The following ATP6V1B1 variants were observed in gnomAD, a reference collection of about 807,000 sequenced individuals.
ATP6V1B1 encodes V-type proton ATPase subunit B, kidney isoform.
A neutral mutation model predicts 62.1 loss-of-function variants in ATP6V1B1; 41 were observed. The ratio of observed to expected loss-of-function variants is 0.66; its 90% CI spans 0.51 to 0.86. The LOEUF (loss-of-function observed/expected upper bound fraction) is 0.86. Ranked by LOEUF, ATP6V1B1 falls within the 40% of genes least tolerant of loss-of-function variation. The probability of loss-of-function intolerance (pLI) is 0.00; values close to 1 mark genes in which losing one functional copy is unlikely to be tolerated. For synonymous variants in ATP6V1B1, 253 were observed against 273.4 expected, an observed-to-expected ratio of 0.93 and a Z score of 0.74; for missense variants, 651 against 697.5, an observed-to-expected ratio of 0.93 and a Z score of 0.75.
chr2:70,943,022 T>C lies in ATP6V1B1; in HGVS notation c.119-636T>C, dbSNP rs569520318. ...AGCTCATTTGCCATGTGTGGGTCTC[T>C]GCAGCTGCCACATCTGCAGGCATTT... On this transcript the variant is annotated intron_variant, in intron 1 of 13. Transcript: ENST00000234396. Among the ~76,000 whole-genome samples, 102 of 152,350 alleles carry C rather than the reference T, an allele frequency of 6.7e-4. 1 individual carries two copies. The highest frequency in any genetic ancestry group is 2.2e-3 in the African/African-American group (90 of 41,576).
intron 8 of ATP6V1B1, 75 bp from the exon 9 acceptor site, chr2:70,962,702 T>G: frequency 6.3e-7 from 1 of 1,599,958 alleles, no homozygotes; most frequent in East Asian, 2.2e-5. Context: ...CAGTTCACCT[T>G]GCGCTCAGCC....
In ATP6V1B1 at chr2:70,958,054, G is replaced by A. The variant is rs544249052; in HGVS notation, c.183G>A (p.Gln61=). 2 of 1,614,006 alleles carry A rather than the reference G, an allele frequency of 1.2e-6. No individual in the cohort carries two copies. Among genetic ancestry groups the A allele is most frequent in the East Asian group, 2.2e-5 (1 of 44,882 alleles). ...LVVLDRVKFA[Q]YAEIVHFTLP... is the part of the protein sequence containing the mutation. ...CTCTCCCCTCCTGCCAGTTTGCCCAGTATGCGGAGATCGTCCACTTCACCC... is the reference window on the plus strand; with the variant it reads ...CTCTCCCCTCCTGCCAGTTTGCCCAATATGCGGAGATCGTCCACTTCACCC... Residue 61 remains glutamine, a synonymous_variant, in exon 3 of 14, where the codon CAG becomes CAA. Transcript: ENST00000234396.
At chr2:70,957,957 G>C in intron 2 of ATP6V1B1, 89 bp from the exon 3 acceptor site, 1 of 1,215,210 alleles carries the variant, frequency 8.2e-7, no homozygotes, top group East Asian at 2.5e-5. Context: ...GGAGAGAACA[G>C]TTTGGGACTG....
chr2:70,940,917 T>C (rs113470642), intron 1 of ATP6V1B1: 1 of 603,938 alleles, frequency 1.7e-6, no homozygotes, highest in Non-Finnish European at 1.9e-6. Flanking sequence ...CTTTTTCTTT[T>C]TTTTTTTTTT....
rs112520952 is a variant in ATP6V1B1, at chr2:70,958,860, T to C, written c.368-158T>C. 2.6e-5 allele frequency among the ~76,000 whole-genome samples: 4 copies of C among 152,158 alleles called. 1 individual carries two copies. The highest frequency in any genetic ancestry group is 9.6e-5 in the African/African-American group (4 of 41,528). On this transcript the variant is annotated intron_variant, in intron 4 of 13. Coordinates refer to ENST00000234396, the MANE Select transcript of ATP6V1B1 (RefSeq NM_001692.4). ...GAAGACTCTCACAGGACAGTCCTTG[T>C]AGCTGGCTCTCTGGGTTACCTGTGG...
In ATP6V1B1 at chr2:70,964,477, C is replaced by G. The variant is rs1553420686; in HGVS notation, c.1183C>G (p.Leu395Val). 1 of 1,614,162 alleles carries G rather than the reference C, an allele frequency of 6.2e-7. No homozygotes were observed. Among genetic ancestry groups the G allele is most frequent in the Non-Finnish European group, 8.5e-7 (1 of 1,180,040 alleles). The change falls in exon 12 of 14, where the codon CTG becomes GTG. Residue 395 changes from leucine (L) to valine (V), a missense_variant. Coordinates refer to ENST00000234396, the MANE Select transcript of ATP6V1B1 (RefSeq NM_001692.4). ...CAACGTGCTCCCTTCCCTGTCGCGG[C>G]TGATGAAGTCAGCCATTGGGGAAGG... ...PINVLPSLSR[L>V]MKSAIGEGMT...
At chr2:70,953,991 C>T (rs1221091737) in intron 2 of ATP6V1B1, among the ~76,000 whole-genome samples, 3 of 151,884 alleles carry the variant, frequency 2.0e-5, no homozygotes, top group Non-Finnish European at 4.4e-5. Context: ...GTGAATTTAT[C>T]CCAACAATTA....
intron 1 of ATP6V1B1, chr2:70,941,544 C>T (rs1157339801): frequency 2.3e-6 from 2 of 873,682 alleles, no homozygotes; most frequent in Non-Finnish European, 1.4e-6. Flanking sequence ...CTCTCGTTCA[C>T]CCATCCTGAT....
At chr2:70,943,772 T>A (rs1680072840) in intron 2 of ATP6V1B1, 59 bp downstream of exon 2, 1 of 1,595,988 alleles carries the variant, frequency 6.3e-7, no homozygotes, top group African/African-American at 1.3e-5. Context: ...GCCTCTCCCC[T>A]GCCCTGCAGG....
chr2:70,944,824 A>G (rs1553417052), intron 2 of ATP6V1B1, among the ~76,000 whole-genome samples: 1 of 151,966 alleles, frequency 6.6e-6, no homozygotes, highest in Non-Finnish European at 1.5e-5. Context: ...ACCCGCTACC[A>G]CGCCCAGCTG....
chr2:70,960,320 G>C (rs1182191691), intron 6 of ATP6V1B1, among the ~76,000 whole-genome samples: 3 of 152,204 alleles, frequency 2.0e-5, no homozygotes, highest in Non-Finnish European at 4.4e-5. Flanking sequence ...TCCCAGAGTA[G>C]AAAGTCCTGC....
chr2:70,964,561 G>T lies in ATP6V1B1; in HGVS notation c.1248+19G>T, dbSNP rs782404567. ...CCAGCTGGTAAGGAGAAGAGGGTCC[G>T]GGGGCTGGTAGGTCCTCTAGTTTCC... On this transcript the variant is annotated intron_variant, in intron 12 of 13. Transcript: ENST00000234396. The T allele has an allele frequency of 6.2e-7, 1 of 1,612,264 alleles. No individual in the cohort carries two copies. Among genetic ancestry groups the T allele is most frequent in the Non-Finnish European group, 8.5e-7 (1 of 1,178,374 alleles).
At chr2:70,940,523 A>G (rs138963692) in intron 1 of ATP6V1B1, 2 of 985,078 alleles carry the variant, frequency 2.0e-6, no homozygotes, top group Admixed American at 1.2e-4. Flanking sequence ...CAATCCAGAC[A>G]ATCTGATCCA....
At position 70,964,791 on chromosome 2, in the gene ATP6V1B1, A is replaced by T; in HGVS notation, c.1304A>T (p.Glu435Val). ...CAGGCCATGAAGGCAGTAGTTGGGG[A>T]GGAGGCGCTCACCTCTGAGGACCTG... ...DVQAMKAVVG[E>V]EALTSEDLLY... Residue 435 changes from glutamate (E) to valine (V), a missense_variant, in exon 13 of 14, where the codon GAG becomes GTG. Coordinates refer to ENST00000234396, the MANE Select transcript of ATP6V1B1 (RefSeq NM_001692.4). 1.2e-6 allele frequency: 2 copies of T among 1,614,002 alleles called. No homozygotes were observed. Among genetic ancestry groups the T allele is most frequent in the Non-Finnish European group, 1.7e-6 (2 of 1,180,026 alleles).
intron 11 of ATP6V1B1, chr2:70,964,132 T>TTTTTTTTTTTTTG: frequency 3.2e-6 from 1 of 309,496 alleles, no homozygotes; most frequent in South Asian, 4.3e-5. Flanking sequence ...TTTTTTTTTT[T>TTTTTTTTTTTTTG]TTTTGCAGCT....
chr2:70,942,234 C>T (rs1467438910), intron 1 of ATP6V1B1: 1 of 406,598 alleles, frequency 2.5e-6, no homozygotes, highest in Non-Finnish European at 4.3e-6. Flanking sequence ...GGCTCAGGTG[C>T]AGGCCAGGCA....
intron 2 of ATP6V1B1, chr2:70,948,324 C>A (rs892459014): frequency 5.8e-5 from 9 of 154,738 alleles, no homozygotes; most frequent in Middle Eastern, 5.2e-4. Context: ...CTGCATCCTT[C>A]TTCTCCCGGG....
chr2:70,961,004 C>T lies in ATP6V1B1; in HGVS notation c.669C>T (p.Ile223=), dbSNP rs372233648. 4.0e-5 allele frequency: 64 copies of T among 1,593,688 alleles called. No homozygotes were observed. The Middle Eastern group carries it at 2.0e-3, about 49-fold the overall frequency. The change falls in exon 7 of 14, where the codon ATC becomes ATT. Residue 223 remains isoleucine (I), a synonymous_variant. Coordinates refer to ENST00000234396, the MANE Select transcript of ATP6V1B1 (RefSeq NM_001692.4). ...ATTACCATGACGACAACTTCGCCAT[C>T]GTCTTTGCAGCCATGGGGGTGAGGA... The part of the protein sequence containing the change: ...VLDYHDDNFA[I]VFAAMGVNME...
At chr2:70,949,093 C>T (rs1173435882) in intron 2 of ATP6V1B1, among the ~76,000 whole-genome samples, 12 of 152,134 alleles carry the variant, frequency 7.9e-5, no homozygotes, top group African/African-American at 2.4e-4. Context: ...AGAGGAAAGA[C>T]ACGTAAAGTT....
Sources: allele counts gnomAD v4.1 joint callset (sites outside exome capture counted in the v4.1 genomes callset), GRCh38; gene constraint gnomAD v4.1.1; transcripts MANE v1.5; gene names NCBI Gene and HGNC (gene_info 2026-07-23, HGNC 2026-07-21).